CTDSPL: variants seen among roughly 807,000 people sequenced by gnomAD.
CTDSPL encodes the protein CTD small phosphatase-like protein.
A neutral mutation model predicts 30.5 loss-of-function variants in CTDSPL; 8 were observed. The ratio of observed to expected loss-of-function variants is 0.26; its 90% CI spans 0.15 to 0.47. CTDSPL has a LOEUF of 0.47. Among genes scored for constraint, CTDSPL ranks in the 20% least tolerant of loss-of-function variants. The probability of loss-of-function intolerance (pLI) is 0.99; values close to 1 mark genes in which losing one functional copy is unlikely to be tolerated. For missense variants in CTDSPL, 248 were observed against 366.1 expected (o/e 0.68, Z 2.63); for synonymous variants, 110 against 137.9 (o/e 0.80, Z 1.42).
At chr3:37,871,871 G>GT (rs538364609) in intron 1 of CTDSPL, among the ~76,000 whole-genome samples, 213 of 152,066 alleles carry the variant, frequency 1.4e-3, no homozygotes, top group African/African-American at 4.8e-3. Context: ...AATTTGTTGG[G>GT]TTTTTTTCCT....
At chr3:37,936,548 C>A (rs1160597776) in intron 1 of CTDSPL, among the ~76,000 whole-genome samples, 1 of 151,304 alleles carries the variant, frequency 6.6e-6, no homozygotes, top group African/African-American at 2.4e-5. Context: ...TTCCAAACCA[C>A]GGCCCTGGGA....
intron 1 of CTDSPL, among the ~76,000 whole-genome samples, chr3:37,865,563 A>T (rs1320438302): frequency 6.6e-6 from 1 of 152,232 alleles, no homozygotes; most frequent in African/African-American, 2.4e-5. Flanking sequence ...AGTAACAGAA[A>T]ACCAGATTTA....
At position 37,947,096 on chromosome 3, in the gene CTDSPL, G is replaced by A. The variant is rs536573249; in HGVS notation, c.119G>A (p.Arg40His). 9.9e-6 allele frequency: 16 copies of A among 1,613,844 alleles called. No homozygotes were observed. The South Asian group carries it at 1.1e-4, about 11-fold the overall frequency. The change falls in exon 2 of 8, where the codon CGC (arginine) becomes CAC (histidine). Residue 40 changes from arginine to histidine, a missense_variant. Transcript: ENST00000273179. ...GTCAGCTTAAAGAAGCAGAGGAGCC[G>A]CAGCATCCTTAGCTCCTTCTTCTGC... Reference protein sequence around the residue: ...CNVSLKKQRSRSILSSFFCCF... With the variant: ...CNVSLKKQRSHSILSSFFCCF...
chr3:37,966,044 G>C (rs1575321262), intron 4 of CTDSPL, among the ~76,000 whole-genome samples: 1 of 152,142 alleles, frequency 6.6e-6, no homozygotes, highest in African/African-American at 2.4e-5. Flanking sequence ...TCAGAGCAGG[G>C]GTCGGTTGCC....
At chr3:37,870,281 G>A (rs942534062) in intron 1 of CTDSPL, among the ~76,000 whole-genome samples, 2 of 151,964 alleles carry the variant, frequency 1.3e-5, no homozygotes, top group Admixed American at 1.3e-4. Context: ...TGGGCAACTT[G>A]GGTAGTTTTT....
At chr3:37,973,567 T>C (rs1699392360) in intron 6 of CTDSPL, among the ~76,000 whole-genome samples, 1 of 152,192 alleles carries the variant, frequency 6.6e-6, no homozygotes, top group African/African-American at 2.4e-5. Flanking sequence ...TGCTGATGGG[T>C]GGTCATGCCC....
intron 1 of CTDSPL, among the ~76,000 whole-genome samples, chr3:37,904,882 A>C (rs192239277): frequency 6.6e-6 from 1 of 152,172 alleles, no homozygotes; most frequent in Admixed American, 6.5e-5. Flanking sequence ...AGGTCTCCTC[A>C]TCATCACCCT....
At chr3:37,960,496 A>AATAAAT (rs1559645070) in intron 3 of CTDSPL, among the ~76,000 whole-genome samples, 1 of 65,364 alleles carries the variant, frequency 1.5e-5, no homozygotes, top group African/African-American at 7.1e-5. Flanking sequence ...AAAAAAAAAA[A>AATAAAT]AAAAAAAAAA....
In CTDSPL at chr3:37,947,038, G is replaced by A. The variant is rs368806516; in HGVS notation, c.80-19G>A. The A allele has an allele frequency of 5.0e-6, 8 of 1,610,156 alleles. No individual in the cohort carries two copies. Among genetic ancestry groups the A allele is most frequent in the Non-Finnish European group, 6.8e-6 (8 of 1,177,362 alleles). On this transcript the variant is annotated intron_variant, in intron 1 of 7. Coordinates refer to ENST00000273179, the MANE Select transcript of CTDSPL (RefSeq NM_001008392.2). ...TACATGCTGCAGTTGGCCATAGTGTGCTCTGTTTCTGTTTCCAGCCTCCCA... is the reference window on the plus strand; with the variant it reads ...TACATGCTGCAGTTGGCCATAGTGTACTCTGTTTCTGTTTCCAGCCTCCCA...
At chr3:37,956,454 C>T (rs1357654603) in intron 2 of CTDSPL, among the ~76,000 whole-genome samples, 1 of 152,146 alleles carries the variant, frequency 6.6e-6, no homozygotes, top group Non-Finnish European at 1.5e-5. Context: ...GAAGTGTTTC[C>T]ATCAATTAGG....
At chr3:37,953,057 A>G (rs1027599923) in intron 2 of CTDSPL, among the ~76,000 whole-genome samples, 4 of 152,234 alleles carry the variant, frequency 2.6e-5, no homozygotes, top group African/African-American at 9.7e-5. Flanking sequence ...TTATTTAATC[A>G]CTATATCCAA....
At chr3:37,870,702 A>G (rs1046866581) in intron 1 of CTDSPL, among the ~76,000 whole-genome samples, 6 of 152,194 alleles carry the variant, frequency 3.9e-5, no homozygotes, top group African/African-American at 1.2e-4. Context: ...TAGTGCTACA[A>G]GTTTCTCTCT....
intron 3 of CTDSPL, among the ~76,000 whole-genome samples, chr3:37,963,603 C>A (rs577114374): frequency 6.6e-6 from 1 of 152,116 alleles, no homozygotes; most frequent in Non-Finnish European, 1.5e-5. Flanking sequence ...ATTGAATATG[C>A]CACAAAGTAG....
At chr3:37,950,676 T>C (rs1038179852) in intron 2 of CTDSPL, among the ~76,000 whole-genome samples, 1 of 152,182 alleles carries the variant, frequency 6.6e-6, no homozygotes, top group African/African-American at 2.4e-5. Flanking sequence ...GAAGAAAATT[T>C]TCTTGAGCTG....
intron 2 of CTDSPL, among the ~76,000 whole-genome samples, chr3:37,949,148 A>G (rs1699079809): frequency 6.6e-6 from 1 of 152,224 alleles, no homozygotes; most frequent in Admixed American, 6.5e-5. Flanking sequence ...TATCAAAGAT[A>G]TTTTTAAACA....
At chr3:37,894,262 TA>T (rs1206697919) in intron 1 of CTDSPL, among the ~76,000 whole-genome samples, 2 of 150,916 alleles carry the variant, frequency 1.3e-5, no homozygotes, top group African/African-American at 2.5e-5. Flanking sequence ...TAAAAAAAGT[TA>T]TTTTTTTTTT....
chr3:37,883,463 A>AT (rs1174619590), intron 1 of CTDSPL, among the ~76,000 whole-genome samples: 1 of 152,186 alleles, frequency 6.6e-6, no homozygotes, highest in African/African-American at 2.4e-5. Flanking sequence ...AAAACATGGC[A>AT]TTTTTCTCAG....
intron 1 of CTDSPL, among the ~76,000 whole-genome samples, chr3:37,915,332 C>A (rs1250404028): frequency 6.6e-6 from 1 of 152,024 alleles, no homozygotes; most frequent in Non-Finnish European, 1.5e-5. Context: ...CATTTAAGAT[C>A]TTGAATCTGT....
At chr3:37,895,305 T>G (rs1456902384) in intron 1 of CTDSPL, among the ~76,000 whole-genome samples, 1 of 152,194 alleles carries the variant, frequency 6.6e-6, no homozygotes, top group African/African-American at 2.4e-5. Flanking sequence ...AATTCTCGGC[T>G]TAGTTATTTT....
Sources: gnomAD v4.1 joint callset for allele counts (sites outside exome capture counted in the v4.1 genomes callset) on GRCh38, gnomAD v4.1.1 for gene constraint, MANE v1.5 for transcripts, NCBI Gene and HGNC (gene_info 2026-07-23, HGNC 2026-07-21) for gene names.